WWC1: variants seen among roughly 807,000 people sequenced by gnomAD.
WWC1 encodes WW and C2 domain containing 1.
In WWC1, 55 loss-of-function variants were observed where a neutral mutation model predicts 138.4. That is an observed-to-expected ratio of 0.40 (90% confidence interval 0.32 to 0.50). The LOEUF (loss-of-function observed/expected upper bound fraction) is 0.50. Ranked by LOEUF, WWC1 falls within the 20% of genes least tolerant of loss-of-function variation. The pLI is 0.72. For synonymous variants in WWC1, 524 were observed against 564.9 expected, an observed-to-expected ratio of 0.93 and a Z score of 1.03; for missense variants, 1,226 against 1,420.4, an observed-to-expected ratio of 0.86 and a Z score of 2.20.
At chr5:168,457,236 A>T (rs952880537) in intron 19 of WWC1, among the ~76,000 whole-genome samples, 21 of 150,746 alleles carry the variant, frequency 1.4e-4, no homozygotes, top group African/African-American at 5.1e-4. Context: ...CTTTTTGTAT[A>T]AAACTTACTG....
At chr5:168,414,059 G>A (rs560024595) in intron 8 of WWC1, 3 of 386,278 alleles carry the variant, frequency 7.8e-6, no homozygotes, top group South Asian at 3.2e-5. Flanking sequence ...GTGCTAAGAG[G>A]TTAGTGCCTG....
At chr5:168,307,748 G>A (rs1770703755) in intron 1 of WWC1, among the ~76,000 whole-genome samples, 1 of 151,864 alleles carries the variant, frequency 6.6e-6, no homozygotes, top group Admixed American at 6.6e-5. Context: ...GGGACTACAG[G>A]TGCCTGCCAC....
intron 1 of WWC1, among the ~76,000 whole-genome samples, chr5:168,350,790 C>T (rs1007282456): frequency 6.6e-6 from 1 of 152,186 alleles, no homozygotes; most frequent in Non-Finnish European, 1.5e-5. Flanking sequence ...GTTTCCAAAA[C>T]TTCAGTCACT....
At position 168,292,463 on chromosome 5, in the gene WWC1, A is replaced by T. The variant is rs1769139704; in HGVS notation, c.119+192A>T. Among the ~76,000 whole-genome samples, 1 of 150,942 alleles carries T rather than the reference A, an allele frequency of 6.6e-6. No individual in the cohort carries two copies. The highest frequency in any genetic ancestry group is 2.4e-5 in the African/African-American group (1 of 40,966). ...CCCGCCTCAGTGGGCCACCGAGAGGAGGCGCCTGCCGGGGAGCTGGCCCAG... is the reference window on the plus strand; with the variant it reads ...CCCGCCTCAGTGGGCCACCGAGAGGTGGCGCCTGCCGGGGAGCTGGCCCAG... On this transcript the variant is annotated intron_variant, in intron 1 of 22. Transcript: ENST00000265293. The surrounding 1 kb of genome is among the most constrained non-coding windows in gnomAD (Gnocchi z 4.4).
chr5:168,469,000 T>C lies in WWC1; in HGVS notation c.3325T>C (p.Ser1109Pro). The change falls in exon 23 of 23, where the codon TCT (serine) becomes CCT (proline). Residue 1109 changes from serine to proline, a missense_variant. Physicochemically the swap from Ser to Pro is moderately conservative, Grantham distance 74. This residue lies in a region of WWC1 where 206 missense variants were observed against 247.4 expected (regional missense o/e 0.83). Transcript: ENST00000265293. Reference sequence around the variant, plus strand: ...GCCTCGGATGAATATCCCAGCTCTCTCTGCAGATGACGTCTAATCGCCAGA... The same window carrying C: ...GCCTCGGATGAATATCCCAGCTCTCCCTGCAGATGACGTCTAATCGCCAGA... ...TRPRMNIPAL[S>P]ADDV The C allele has an allele frequency of 6.2e-7, 1 of 1,614,248 alleles. No homozygotes were observed. The highest frequency in any genetic ancestry group is 8.5e-7 in the Non-Finnish European group (1 of 1,180,036).
intron 1 of WWC1, among the ~76,000 whole-genome samples, chr5:168,356,215 C>T (rs1252023040): frequency 4.6e-5 from 7 of 152,208 alleles, no homozygotes; most frequent in Non-Finnish European, 8.8e-5. Context: ...CGCTGAAGAG[C>T]GTGTTTATTG....
At chr5:168,415,798 TGGGGGGGGGGG>T (rs56206528) in intron 9 of WWC1, 3 of 6,354 alleles carry the variant, frequency 4.7e-4, no homozygotes, top group East Asian at 8.1e-3. Context: ...TGTGTGTGTG[TGGGGGGGGGGG>T]GGGGGCGTGT....
At chr5:168,427,782 C>T (rs1395435244) in intron 11 of WWC1, among the ~76,000 whole-genome samples, 1 of 151,716 alleles carries the variant, frequency 6.6e-6, no homozygotes, top group Non-Finnish European at 1.5e-5. Flanking sequence ...GGCAAAACCC[C>T]ATCTCTACAA....
At chr5:168,418,363 A>G (rs1780819518) in intron 9 of WWC1, among the ~76,000 whole-genome samples, 1 of 152,184 alleles carries the variant, frequency 6.6e-6, no homozygotes. Context: ...GGCCCACCCC[A>G]GGGACCGATT....
intron 1 of WWC1, among the ~76,000 whole-genome samples, chr5:168,307,539 A>G (rs538390174): frequency 6.6e-6 from 1 of 151,124 alleles, no homozygotes; most frequent in East Asian, 1.9e-4. Context: ...CCTCCAAGGA[A>G]TCATTTCCTT....
chr5:168,428,278 C>A, intron 12 of WWC1, 137 bp downstream of exon 12: 1 of 806,286 alleles, frequency 1.2e-6, no homozygotes, highest in Non-Finnish European at 1.9e-6. Context: ...CATGACCCCA[C>A]CTTCCTCTTG....
chr5:168,357,831 C>A (rs181379386), intron 1 of WWC1, among the ~76,000 whole-genome samples: 1 of 152,248 alleles, frequency 6.6e-6, no homozygotes, highest in Admixed American at 6.5e-5. Context: ...GGGAGAAAAA[C>A]CCATAAAGCA....
intron 1 of WWC1, among the ~76,000 whole-genome samples, chr5:168,359,511 T>C (rs1323822313): frequency 6.6e-6 from 1 of 152,244 alleles, no homozygotes; most frequent in African/African-American, 2.4e-5. Flanking sequence ...ATATGGATTG[T>C]TTCTAGCTTG....
intron 1 of WWC1, among the ~76,000 whole-genome samples, chr5:168,299,965 G>A (rs1442391853): frequency 6.6e-6 from 1 of 152,156 alleles, no homozygotes; most frequent in Admixed American, 6.5e-5. Context: ...CTGGATAAGA[G>A]GAATCCACTT....
intron 8 of WWC1, among the ~76,000 whole-genome samples, chr5:168,410,734 C>CATGCATCTTCTCATTTAATTTTAAAAGCA (rs1388040944): frequency 6.6e-6 from 1 of 151,828 alleles, no homozygotes; most frequent in South Asian, 2.1e-4. Flanking sequence ...AACATTTGTG[C>CATGCATCTTCTCATTTAATTTTAAAAGCA]ATGCATCTTC....
chr5:168,305,784 A>G (rs962699210), intron 1 of WWC1, among the ~76,000 whole-genome samples: 7 of 152,144 alleles, frequency 4.6e-5, no homozygotes, highest in Admixed American at 1.3e-4. Context: ...GGGGACAACT[A>G]AAAATACCCA....
intron 4 of WWC1, 112 bp from the exon 5 acceptor site, chr5:168,399,376 G>T: frequency 9.2e-7 from 1 of 1,092,248 alleles, no homozygotes; most frequent in South Asian, 1.5e-5. Flanking sequence ...GCTGACCTGA[G>T]TCATTATGCA....
chr5:168,363,257 C>A (rs1053079854), intron 1 of WWC1, among the ~76,000 whole-genome samples: 3 of 152,068 alleles, frequency 2.0e-5, no homozygotes, highest in African/African-American at 7.2e-5. Context: ...GGTGTGGTGG[C>A]TCACACCTGT....
chr5:168,364,684 T>G (rs956048042), intron 1 of WWC1, among the ~76,000 whole-genome samples: 13 of 152,008 alleles, frequency 8.6e-5, no homozygotes, highest in African/African-American at 3.1e-4. Context: ...AGGATGAGAG[T>G]GGAGGGTGAG....
Sources: gnomAD v4.1 joint callset for allele counts (sites outside exome capture counted in the v4.1 genomes callset) on GRCh38, gnomAD v4.1.1 for gene constraint, gnomAD v4.1.1 regional missense constraint, Gnocchi (gnomAD v3.1) non-coding constraint, MANE v1.5 for transcripts, NCBI Gene and HGNC (gene_info 2026-07-23, HGNC 2026-07-21) for gene names.